The following AKAP6 variants were observed in gnomAD, a reference collection of about 807,000 sequenced individuals.
AKAP6 encodes A-kinase anchor protein 6.
A neutral mutation model predicts 188.5 loss-of-function variants in AKAP6; 58 were observed. The observed-to-expected ratio is 0.31, with a 90% CI of 0.25 to 0.38. The LOEUF is 0.38. AKAP6 is among the 10% of genes least tolerant of loss of function. The pLI is 1.00. For missense variants in AKAP6, 2,710 were observed against 2,740.0 expected (o/e 0.99, Z 0.24); for synonymous variants, 989 against 998.6 (o/e 0.99, Z 0.18).
At chr14:32,719,023 T>A (rs2030385004) in intron 9 of AKAP6, among the ~76,000 whole-genome samples, 1 of 152,172 alleles carries the variant, frequency 6.6e-6, no homozygotes, top group Non-Finnish European at 1.5e-5. Context: ...GCACCAGAGA[T>A]ATTCTTAAAA....
chr14:32,434,224 G>A (rs1890310520), intron 2 of AKAP6, among the ~76,000 whole-genome samples: 2 of 152,198 alleles, frequency 1.3e-5, no homozygotes, highest in East Asian at 1.9e-4. Flanking sequence ...AGCTGATGCT[G>A]CCTTTGTGGC....
chr14:32,613,395 G>A (rs1432048991), intron 7 of AKAP6, among the ~76,000 whole-genome samples: 3 of 152,186 alleles, frequency 2.0e-5, no homozygotes, highest in African/African-American at 4.8e-5. Flanking sequence ...GATTAGTTAA[G>A]CTTCATCAAC....
intron 9 of AKAP6, among the ~76,000 whole-genome samples, chr14:32,718,946 C>T (rs2030378672): frequency 6.6e-6 from 1 of 152,114 alleles, no homozygotes; most frequent in African/African-American, 2.4e-5. Flanking sequence ...TCTCTGACCT[C>T]CTACAGTCCC....
At chr14:32,782,740 G>T (rs1278021276) in intron 12 of AKAP6, among the ~76,000 whole-genome samples, 1 of 152,068 alleles carries the variant, frequency 6.6e-6, no homozygotes, top group Non-Finnish European at 1.5e-5. Context: ...ATTGCTGAGA[G>T]AAATTATTAA....
rs576484522 is a variant in AKAP6 at position 32,723,939 on chromosome 14, T to C, written c.3001-8515T>C. 2.6e-5 allele frequency among the ~76,000 whole-genome samples: 4 copies of C among 152,348 alleles called. No homozygotes were observed. The East Asian group carries it at 7.7e-4, about 29-fold the overall frequency. ...GTTGGAGCTGGCTAATACTGACTTATGAGAGCATATTGTTAAATATTCAGG... is the reference window on the plus strand; with the variant it reads ...GTTGGAGCTGGCTAATACTGACTTACGAGAGCATATTGTTAAATATTCAGG... On this transcript the variant is annotated intron_variant, in intron 9 of 13. Coordinates refer to ENST00000280979, the MANE Select transcript of AKAP6 (RefSeq NM_004274.5).
intron 1 of AKAP6, among the ~76,000 whole-genome samples, chr14:32,352,103 T>TGTG (rs1887300629): frequency 8.3e-6 from 1 of 120,350 alleles, no homozygotes; most frequent in Non-Finnish European, 1.7e-5. Flanking sequence ...GTGTGTGTGT[T>TGTG]TGTGTGTGTG....
At chr14:32,805,542 G>A (rs1420120384) in intron 12 of AKAP6, among the ~76,000 whole-genome samples, 2 of 152,146 alleles carry the variant, frequency 1.3e-5, no homozygotes, top group Non-Finnish European at 2.9e-5. Flanking sequence ...GTTATGACTT[G>A]AAAAAGGTTG....
intron 1 of AKAP6, among the ~76,000 whole-genome samples, chr14:32,386,548 C>G (rs1192930925): frequency 6.6e-6 from 1 of 151,968 alleles, no homozygotes; most frequent in African/African-American, 2.4e-5. Flanking sequence ...TTTTCCCATT[C>G]TTGGGTTGTT....
At chr14:32,586,607 G>A (rs1434362633) in intron 5 of AKAP6, among the ~76,000 whole-genome samples, 1 of 152,154 alleles carries the variant, frequency 6.6e-6, no homozygotes. Flanking sequence ...CTCCAGCCTG[G>A]GCGACTGAGG....
At chr14:32,344,616 G>A (rs1017375079) in intron 1 of AKAP6, among the ~76,000 whole-genome samples, 1 of 152,102 alleles carries the variant, frequency 6.6e-6, no homozygotes, top group African/African-American at 2.4e-5. Flanking sequence ...TGGAGTATAA[G>A]AGTATATACA....
At chr14:32,766,238 A>AT (rs936617980) in intron 11 of AKAP6, among the ~76,000 whole-genome samples, 2 of 151,926 alleles carry the variant, frequency 1.3e-5, no homozygotes, top group African/African-American at 2.4e-5. Flanking sequence ...TATTTACTGC[A>AT]TTTTTTTAAT....
intron 13 of AKAP6, among the ~76,000 whole-genome samples, chr14:32,826,960 T>C (rs922714249): frequency 1.4e-4 from 21 of 152,190 alleles, no homozygotes; most frequent in Non-Finnish European, 2.4e-4. Context: ...CCTAGAGCCA[T>C]TTAAATAGCC....
At chr14:32,636,002 A>G (rs1457903561) in intron 7 of AKAP6, among the ~76,000 whole-genome samples, 1 of 152,114 alleles carries the variant, frequency 6.6e-6, no homozygotes, top group Non-Finnish European at 1.5e-5. Context: ...TTACATGCAA[A>G]TAGTGGTCTC....
chr14:32,724,605 A>G (rs1380207070), intron 9 of AKAP6, among the ~76,000 whole-genome samples: 2 of 152,168 alleles, frequency 1.3e-5, no homozygotes, highest in African/African-American at 2.4e-5. Context: ...ACTCAATTAA[A>G]ATTTCCATAT....
chr14:32,655,958 TAAGATAAATCTATCTGTTTTTCTC>T (rs1390667643), intron 7 of AKAP6, among the ~76,000 whole-genome samples: 3 of 152,232 alleles, frequency 2.0e-5, no homozygotes, highest in South Asian at 2.1e-4. Flanking sequence ...CTGTCTCTCT[TAAGATAAATCTATCTGTTTTTCTC>T]AAGATAAATA....
At chr14:32,518,029 C>T (rs961296430) in intron 2 of AKAP6, among the ~76,000 whole-genome samples, 8 of 152,304 alleles carry the variant, frequency 5.3e-5, no homozygotes, top group South Asian at 2.1e-4. Flanking sequence ...CAACATTTAC[C>T]GTTCTGCAAC....
At chr14:32,740,152 T>C (rs960602288) in intron 11 of AKAP6, among the ~76,000 whole-genome samples, 1 of 152,160 alleles carries the variant, frequency 6.6e-6, no homozygotes, top group Non-Finnish European at 1.5e-5. Context: ...TTCATATGCC[T>C]GTTTGCCATT....
chr14:32,595,470 A>G (rs1885655397), intron 5 of AKAP6, among the ~76,000 whole-genome samples: 1 of 151,988 alleles, frequency 6.6e-6, no homozygotes, highest in Non-Finnish European at 1.5e-5. Flanking sequence ...CACAAACCCT[A>G]TCCAGCTATT....
chr14:32,738,058 T>A (rs1404324447), intron 11 of AKAP6, among the ~76,000 whole-genome samples: 1 of 152,062 alleles, frequency 6.6e-6, no homozygotes. Flanking sequence ...CATGAAGGTG[T>A]GGTCCTAAGA....
Sources: gnomAD v4.1 joint callset for allele counts (sites outside exome capture counted in the v4.1 genomes callset) on GRCh38, gnomAD v4.1.1 for gene constraint, MANE v1.5 for transcripts, NCBI Gene and HGNC (gene_info 2026-07-23, HGNC 2026-07-21) for gene names.